ALDH7A1: variants seen among roughly 807,000 people sequenced by gnomAD.
ALDH7A1 encodes aldehyde dehydrogenase 7 family member A1.
Under a neutral mutation model 79.9 loss-of-function variants are expected in ALDH7A1, and 63 were observed. That is an observed-to-expected ratio of 0.79 (90% CI 0.64 to 0.97). The LOEUF (loss-of-function observed/expected upper bound fraction) is 0.97. Among genes scored for constraint, ALDH7A1 ranks in the 50% least tolerant of loss-of-function variants. The probability of loss-of-function intolerance (pLI) is 0.00; values close to 1 mark genes in which losing one functional copy is unlikely to be tolerated. For missense variants in ALDH7A1, 627 were observed against 665.2 expected (o/e 0.94, Z 0.63); for synonymous variants, 240 against 231.2 (o/e 1.04, Z -0.34).
chr5:126,552,792 C>T (rs188240144), intron 13 of ALDH7A1, among the ~76,000 whole-genome samples: 202 of 151,348 alleles, frequency 1.3e-3, no homozygotes, highest in Non-Finnish European at 2.2e-3. Context: ...CTTTGTTGTC[C>T]AAGCTGCAGT....
chr5:126,547,116 C>T (rs1331830080), intron 16 of ALDH7A1, among the ~76,000 whole-genome samples: 1 of 152,192 alleles, frequency 6.6e-6, no homozygotes. Flanking sequence ...CTGGCAGGAA[C>T]AGAGTCGCAG....
At chr5:126,591,475 A>T (rs1380819147) in intron 3 of ALDH7A1, among the ~76,000 whole-genome samples, 3 of 142,372 alleles carry the variant, frequency 2.1e-5, no homozygotes, top group Admixed American at 1.4e-4. Context: ...CCCCCCTTGC[A>T]ATCACTCACT....
At chr5:126,594,372 T>C in intron 1 of ALDH7A1, 1 of 427,746 alleles carries the variant, frequency 2.3e-6, no homozygotes, top group East Asian at 7.2e-5. Context: ...TAAATTAAGA[T>C]CAGTTGCACC....
intron 7 of ALDH7A1, among the ~76,000 whole-genome samples, chr5:126,573,433 C>G (rs888247359): frequency 6.6e-6 from 1 of 152,076 alleles, no homozygotes; most frequent in Non-Finnish European, 1.5e-5. Context: ...GGCACGGTGG[C>G]TCACACCTGT....
In ALDH7A1 at chr5:126,568,288, T is replaced by C. The variant is rs781369461; in HGVS notation, c.842A>G (p.Gln281Arg). The C allele has an allele frequency of 6.2e-7, 1 of 1,614,188 alleles. No homozygotes were observed. The highest frequency in any genetic ancestry group is 8.5e-7 in the Non-Finnish European group (1 of 1,180,008). Residue 281 changes from glutamine to arginine, a missense_variant, in exon 9 of 18, where the codon CAG becomes CGG. Gln to Arg is a conservative substitution (Grantham distance 43, BLOSUM62 1). Transcript: ENST00000409134. ...SFTGSTQVGK[Q>R]VGLMVQERFG... ...CCTCTCCTGCACCATCAGGCCCACC[T>C]GTTTTCCCACCTGAGTGCTCCCAGT...
intron 3 of ALDH7A1, among the ~76,000 whole-genome samples, chr5:126,584,671 A>AAAAAAAAG (rs1751300139): frequency 1.5e-5 from 2 of 129,940 alleles, no homozygotes; most frequent in African/African-American, 3.4e-5. Context: ...AAAAAAAAAA[A>AAAAAAAAG]AAAAAAAAGA....
intron 9 of ALDH7A1, among the ~76,000 whole-genome samples, chr5:126,565,351 C>T (rs1182422609): frequency 6.8e-6 from 1 of 147,470 alleles, no homozygotes; most frequent in African/African-American, 2.5e-5. Context: ...CAGGATCTCC[C>T]CACTGCACTC....
At chr5:126,585,841 G>A (rs1751343402) in intron 3 of ALDH7A1, among the ~76,000 whole-genome samples, 1 of 152,074 alleles carries the variant, frequency 6.6e-6, no homozygotes, top group South Asian at 2.1e-4. Context: ...GGGATTACAG[G>A]CATGACATTC....
At position 126,577,127 on chromosome 5, in the gene ALDH7A1, T is replaced by C. The variant is rs781259686; in HGVS notation, c.602A>G (p.Tyr201Cys). The part of the protein sequence containing the change: ...ITAFNFPVAV[Y>C]GWNNAIAMIC... ...CATGGCGATGGCGTTGTTCCAACCATACACTGCCACAGGGAAATTGAATGC... is the reference window on the plus strand; with the variant it reads ...CATGGCGATGGCGTTGTTCCAACCACACACTGCCACAGGGAAATTGAATGC... The change falls in exon 6 of 18, where the codon TAT (tyrosine) becomes TGT (cysteine). Residue 201 changes from tyrosine to cysteine, a missense_variant. By Grantham distance (194) the Tyr-to-Cys change is radical. Coordinates refer to ENST00000409134, the MANE Select transcript of ALDH7A1 (RefSeq NM_001182.5). The C allele has an allele frequency of 1.2e-6, 2 of 1,614,112 alleles. No individual in the cohort carries two copies. Among genetic ancestry groups the C allele is most frequent in the Non-Finnish European group, 1.7e-6 (2 of 1,180,018 alleles).
rs1355694117 is a variant in ALDH7A1 at position 126,554,303 on chromosome 5, A to T, written c.1184T>A (p.Val395Glu). The change falls in exon 13 of 18, where the codon GTG becomes GAG. Residue 395 changes from valine (V) to glutamate (E), a missense_variant. Physicochemically the swap from Val to Glu is moderately radical, Grantham distance 121. Coordinates refer to ENST00000409134, the MANE Select transcript of ALDH7A1 (RefSeq NM_001182.5). ...ATCCCTTACCTTGCCCCCATAGACC[A>T]CTGTGCCACCTTCTTTCTTTGCTTC... ...VEEAKKEGGT[V>E]VYGGKVMDRP... 6.2e-7 allele frequency: 1 copy of T among 1,613,988 alleles called. No homozygotes were observed. Among genetic ancestry groups the T allele is most frequent in the Non-Finnish European group, 8.5e-7 (1 of 1,179,980 alleles).
chr5:126,564,677 A>C, intron 9 of ALDH7A1: 6 of 607,974 alleles, frequency 9.9e-6, no homozygotes, highest in Non-Finnish European at 1.5e-5. Flanking sequence ...CACCAACTCT[A>C]GTCTCTGCTG....
At position 126,583,924 on chromosome 5, in the gene ALDH7A1, T is replaced by C; in HGVS notation, c.393+8A>G. Reference sequence around the variant, plus strand: ...AAGAATTGTGTATATACTACAAAAATACTTTACCAAGCTTCCTAGTACTTG... The same window carrying C: ...AAGAATTGTGTATATACTACAAAAACACTTTACCAAGCTTCCTAGTACTTG... On this transcript the variant is annotated splice_region_variant and intron_variant, in intron 4 of 17. Coordinates refer to ENST00000409134, the MANE Select transcript of ALDH7A1 (RefSeq NM_001182.5). 1 of 1,609,642 alleles carries C rather than the reference T, an allele frequency of 6.2e-7. No individual in the cohort carries two copies. Among genetic ancestry groups the C allele is most frequent in the Non-Finnish European group, 8.5e-7 (1 of 1,176,004 alleles).
chr5:126,592,670 C>T lies in ALDH7A1; in HGVS notation c.306G>A (p.Trp102Ter), dbSNP rs1463459343. Residue 102 changes from tryptophan (W) to a stop codon, truncating the protein, a stop_gained, in exon 3 of 18, where the codon TGG becomes TGA. Transcript: ENST00000409134. LOFTEE classifies it high-confidence loss of function. ...VKKAREAWKI[W>*]ADIPAPKRGE... is the part of the protein sequence containing the mutation. ...AAACAAAGGCCATACTTACATCTGC[C>T]CAGATTTTCCATGCTTCTCTTGCTT... 6.2e-7 allele frequency: 1 copy of T among 1,613,900 alleles called. No homozygotes were observed. Among genetic ancestry groups the T allele is most frequent in the Admixed American group, 1.7e-5 (1 of 59,990 alleles).
chr5:126,545,309 C>CT (rs766831733), intron 17 of ALDH7A1, among the ~76,000 whole-genome samples: 4 of 152,004 alleles, frequency 2.6e-5, no homozygotes, highest in Admixed American at 2.0e-4. Context: ...GGGTCTCACT[C>CT]TGTCACCCAG....
chr5:126,555,460 G>C lies in ALDH7A1; in HGVS notation c.1093+471C>G, dbSNP rs1011355861. The C allele has an allele frequency of 2.1e-5, 3 of 140,620 alleles. No homozygotes were observed. In the Admixed American group the frequency reaches 2.5e-4, roughly 12 times the overall value. The allele number at this position is 140,620 out of a possible 1,614,324, so 8.7% of individuals were successfully genotyped here. The stretch of plus-strand genomic sequence containing the variant: ...ATCAAGCCACTGCACTCCAGCCTGA[G>C]CAACAGAGTGAAACTGTGTCTCAAA... On this transcript the variant is annotated intron_variant, in intron 12 of 17. Transcript: ENST00000409134.
chr5:126,572,495 G>A (rs1406843099), intron 7 of ALDH7A1, among the ~76,000 whole-genome samples: 2 of 152,194 alleles, frequency 1.3e-5, no homozygotes, highest in African/African-American at 4.8e-5. Flanking sequence ...TTGAACTCTA[G>A]CACTGTTCTC....
chr5:126,593,429 T>C lies in ALDH7A1; in HGVS notation c.193-25A>G, dbSNP rs767444977. The C allele has an allele frequency of 6.2e-6, 10 of 1,613,746 alleles. No homozygotes were observed. The South Asian group carries it at 1.1e-4, about 18-fold the overall frequency. ...CCTTAAAACAAAAGGATGATGATCA[T>C]GTATAGAAAACGTAATCCCTTTTGA... On this transcript the variant is annotated intron_variant, in intron 1 of 17. Coordinates refer to ENST00000409134, the MANE Select transcript of ALDH7A1 (RefSeq NM_001182.5).
At chr5:126,559,426 TG>T in intron 10 of ALDH7A1, 92 bp from the exon 11 acceptor site, 5 of 861,666 alleles carry the variant, frequency 5.8e-6, no homozygotes, top group Non-Finnish European at 8.6e-6. Flanking sequence ...TTTTTGTTTT[TG>T]GTTTTGGTTT....
chr5:126,593,548 T>A lies in ALDH7A1; in HGVS notation c.193-144A>T. ...AAAGCTTAGGTTAACTTCTGTTACA[T>A]ATAAACCACTCTACAGAGGTTGTCT... On this transcript the variant is annotated intron_variant, in intron 1 of 17. Transcript: ENST00000409134. 3.5e-6 allele frequency: 4 copies of A among 1,143,732 alleles called. No homozygotes were observed. The South Asian group carries it at 5.3e-5, about 15-fold the overall frequency. 70.8% of individuals were successfully genotyped at this position (1,143,732 alleles called of 1,614,324 possible).
Sources: gnomAD v4.1 joint callset for allele counts (sites outside exome capture counted in the v4.1 genomes callset) on GRCh38, gnomAD v4.1.1 for gene constraint, MANE v1.5 for transcripts, NCBI Gene and HGNC (gene_info 2026-07-23, HGNC 2026-07-21) for gene names.